CPQ: variants seen among roughly 807,000 people sequenced by gnomAD.
The protein encoded by CPQ is Ser-Met dipeptidase.
In CPQ, 37 loss-of-function variants were observed where a neutral mutation model predicts 45.7. The observed-to-expected ratio is 0.81, with a 90% CI of 0.62 to 1.07. The LOEUF (loss-of-function observed/expected upper bound fraction) is 1.07. CPQ is among the 50% of genes least tolerant of loss of function. CPQ has a pLI of 0.00. For missense variants in CPQ, 537 were observed against 572.9 expected, an observed-to-expected ratio of 0.94 and a Z score of 0.64; for synonymous variants, 186 against 205.8, an observed-to-expected ratio of 0.90 and a Z score of 0.82.
chr8:96,841,573 T>C (rs1302892243), intron 3 of CPQ, among the ~76,000 whole-genome samples: 3 of 152,234 alleles, frequency 2.0e-5, no homozygotes, highest in African/African-American at 7.2e-5. Flanking sequence ...AAAGACTTTC[T>C]CTTCACTTTA....
chr8:97,061,951 C>T (rs1292087060), intron 6 of CPQ, among the ~76,000 whole-genome samples: 1 of 152,116 alleles, frequency 6.6e-6, no homozygotes, highest in Non-Finnish European at 1.5e-5. Context: ...CATTCAGAAG[C>T]CCACACTCTT....
At position 96,862,953 on chromosome 8, in the gene CPQ, A is replaced by G. The variant is rs149982707; in HGVS notation, c.642-16845A>G. On this transcript the variant is annotated intron_variant, in intron 3 of 7. Transcript: ENST00000220763. ...GACCCTAGCAATATTGGAGGGATGA[A>G]CTGGCAGGAGACTGAGTCCCAAAGA... Among the ~76,000 whole-genome samples, 156 of 152,186 alleles carry G rather than the reference A, an allele frequency of 1.0e-3. 1 individual carries two copies. Among genetic ancestry groups the G allele is most frequent in the African/African-American group, 3.7e-3 (154 of 41,552 alleles).
At chr8:96,819,573 G>A (rs947071933) in intron 2 of CPQ, among the ~76,000 whole-genome samples, 2 of 152,076 alleles carry the variant, frequency 1.3e-5, no homozygotes, top group Non-Finnish European at 2.9e-5. Flanking sequence ...CATTGTGGTG[G>A]AGAAGGATTT....
chr8:96,968,502 G>C (rs1161834022), intron 5 of CPQ, among the ~76,000 whole-genome samples: 1 of 152,214 alleles, frequency 6.6e-6, no homozygotes, highest in Non-Finnish European at 1.5e-5. Flanking sequence ...TGGGCTTGAG[G>C]CCAAGAAATA....
At chr8:97,022,983 TAGTATATATATAC>T (rs1809719813) in intron 5 of CPQ, among the ~76,000 whole-genome samples, 1 of 146,188 alleles carries the variant, frequency 6.8e-6, no homozygotes, top group Non-Finnish European at 1.5e-5. Context: ...ATACTGTATA[TAGTATATATATAC>T]AGTATATATA....
At chr8:96,740,228 T>A (rs1254177883) in intron 1 of CPQ, among the ~76,000 whole-genome samples, 3 of 152,176 alleles carry the variant, frequency 2.0e-5, no homozygotes, top group Non-Finnish European at 4.4e-5. Flanking sequence ...AAAGCAATTG[T>A]GAATGGGAGT....
chr8:96,808,247 A>G (rs754971205), intron 2 of CPQ, among the ~76,000 whole-genome samples: 2 of 152,206 alleles, frequency 1.3e-5, no homozygotes, highest in South Asian at 4.1e-4. Flanking sequence ...TAAAATACCT[A>G]AATTTTTTTT....
At chr8:97,074,411 A>G (rs1162445134) in intron 7 of CPQ, among the ~76,000 whole-genome samples, 1 of 152,228 alleles carries the variant, frequency 6.6e-6, no homozygotes, top group Non-Finnish European at 1.5e-5. Context: ...GCAGGGGCAC[A>G]TAGGTCAGAA....
chr8:96,889,730 C>A (rs1187153339), intron 4 of CPQ, among the ~76,000 whole-genome samples: 1 of 152,064 alleles, frequency 6.6e-6, no homozygotes, highest in Admixed American at 6.5e-5. Flanking sequence ...GTCCAAGGGT[C>A]CAAAAGCTGA....
intron 4 of CPQ, among the ~76,000 whole-genome samples, chr8:96,893,671 G>T (rs1001700215): frequency 6.6e-6 from 1 of 152,070 alleles, no homozygotes; most frequent in African/African-American, 2.4e-5. Flanking sequence ...TGGAAAATAC[G>T]ATTCAAAATG....
chr8:96,877,709 G>A (rs1174600999), intron 3 of CPQ, among the ~76,000 whole-genome samples: 2 of 152,040 alleles, frequency 1.3e-5, no homozygotes, highest in Non-Finnish European at 2.9e-5. Flanking sequence ...AATATTATGA[G>A]GTCAATGCTA....
In CPQ at chr8:96,826,213, G is replaced by A. The variant is rs368912695; in HGVS notation, c.434-8760G>A. ...AATTCTTCAGATTTGTTTGTTTCCTGCCGTTTGGTGTTGATCATTTTGATG... is the reference window on the plus strand; with the variant it reads ...AATTCTTCAGATTTGTTTGTTTCCTACCGTTTGGTGTTGATCATTTTGATG... On this transcript the variant is annotated intron_variant, in intron 2 of 7. Transcript: ENST00000220763. Among the ~76,000 whole-genome samples the A allele has an allele frequency of 9.2e-5, 14 of 152,128 alleles. 1 individual carries two copies. The East Asian group carries it at 2.1e-3, about 23-fold the overall frequency.
chr8:96,965,028 A>G (rs1474131272), intron 4 of CPQ, among the ~76,000 whole-genome samples: 1 of 152,156 alleles, frequency 6.6e-6, no homozygotes, highest in Non-Finnish European at 1.5e-5. Flanking sequence ...AGAATTTTAA[A>G]CCTGTGATGA....
chr8:96,799,415 C>T (rs947962278), intron 2 of CPQ, among the ~76,000 whole-genome samples: 4 of 152,176 alleles, frequency 2.6e-5, no homozygotes, highest in Admixed American at 6.5e-5. Context: ...CACATGACCT[C>T]ATCTCCTCTT....
intron 4 of CPQ, among the ~76,000 whole-genome samples, chr8:96,880,370 G>A (rs1298263829): frequency 6.6e-6 from 1 of 151,744 alleles, no homozygotes; most frequent in Admixed American, 6.6e-5. Flanking sequence ...TCTCACTACT[G>A]TGTATTGTAA....
intron 1 of CPQ, among the ~76,000 whole-genome samples, chr8:96,708,048 T>C (rs1409683333): frequency 6.6e-6 from 1 of 152,094 alleles, no homozygotes; most frequent in Non-Finnish European, 1.5e-5. Flanking sequence ...TCCATTTTCT[T>C]TTCCTTTCTA....
In CPQ at chr8:97,086,405, C is replaced by T. The variant is rs149066080; in HGVS notation, c.1255+20195C>T. On this transcript the variant is annotated intron_variant, in intron 7 of 7. Coordinates refer to ENST00000220763, the MANE Select transcript of CPQ (RefSeq NM_016134.4). ...AATGGGTATTGCTGTTTCTGTTTTA[C>T]GAATAAGAATTGGGGCTAAAACCAG... Among the ~76,000 whole-genome samples, 835 of 152,172 alleles carry T rather than the reference C, an allele frequency of 5.5e-3. 4 individuals are homozygous for T. The highest frequency in any genetic ancestry group is 8.3e-3 in the Non-Finnish European group (562 of 68,008).
chr8:96,697,740 A>G (rs1199013658), intron 1 of CPQ, among the ~76,000 whole-genome samples: 1 of 152,146 alleles, frequency 6.6e-6, no homozygotes, highest in Non-Finnish European at 1.5e-5. Context: ...AAGAAATTTA[A>G]AAAGTAATCC....
intron 7 of CPQ, among the ~76,000 whole-genome samples, chr8:97,138,919 G>A (rs1812107385): frequency 6.7e-6 from 1 of 150,368 alleles, no homozygotes; most frequent in South Asian, 2.1e-4. Flanking sequence ...ATGAGAGAAG[G>A]GAAAAAAATC....
Sources: allele counts gnomAD v4.1 joint callset (sites outside exome capture counted in the v4.1 genomes callset), GRCh38; gene constraint gnomAD v4.1.1; transcripts MANE v1.5; gene names NCBI Gene and HGNC (gene_info 2026-07-23, HGNC 2026-07-21).